The following NEBL variants were observed in gnomAD, a reference collection of about 807,000 sequenced individuals.
The protein encoded by NEBL is nebulette.
NEBL carries 122 observed loss-of-function variants against 140.2 expected under a neutral mutation model. The observed-to-expected ratio is 0.87, with a 90% CI of 0.75 to 1.01. The LOEUF (loss-of-function observed/expected upper bound fraction) is 1.01, where lower values mean the gene tolerates loss of function less well. Among genes scored for constraint, NEBL ranks in the 50% least tolerant of loss-of-function variants. NEBL has a pLI of 0.00. For missense variants in NEBL, 1,365 were observed against 1,231.3 expected (o/e 1.11, Z -1.62); for synonymous variants, 436 against 398.9 (o/e 1.09, Z -1.11).
At chr10:20,909,437 C>T (rs1362302188) in intron 4 of NEBL, among the ~76,000 whole-genome samples, 3 of 151,960 alleles carry the variant, frequency 2.0e-5, no homozygotes, top group African/African-American at 7.3e-5. Flanking sequence ...AATTTAGATG[C>T]CTCTAAGATA....
intron 3 of NEBL, among the ~76,000 whole-genome samples, chr10:21,223,482 G>T (rs1239046614): frequency 2.0e-5 from 3 of 152,094 alleles, no homozygotes; most frequent in African/African-American, 7.2e-5. Context: ...CCAAATCTTG[G>T]CTATTACAAA....
Position 20,946,326 on chromosome 10 carries a change from G to T in NEBL, c.357+15346C>A, listed in dbSNP as rs1835157246. 2.6e-5 allele frequency among the ~76,000 whole-genome samples: 4 copies of T among 152,180 alleles called. No homozygotes were observed. In the South Asian group the frequency reaches 8.3e-4, roughly 31 times the overall value. On this transcript the variant is annotated intron_variant, in intron 4 of 6. Transcript: ENST00000417816. ...AAAATCTATGTTTTCAAGAAGCTGT[G>T]GCCCTCGTGCTACTGGTAGTTAGCA...
intron 1 of NEBL, among the ~76,000 whole-genome samples, chr10:21,257,550 CT>C (rs1842674162): frequency 6.6e-6 from 1 of 152,206 alleles, no homozygotes; most frequent in Admixed American, 6.5e-5. Flanking sequence ...AGTTTAAGTC[CT>C]GGTCTGTTTT....
At chr10:21,210,808 G>T (rs1438020252) in intron 3 of NEBL, among the ~76,000 whole-genome samples, 1 of 152,152 alleles carries the variant, frequency 6.6e-6, no homozygotes, top group Admixed American at 6.6e-5. Flanking sequence ...CTCAACATGT[G>T]ACTGTCATTA....
At chr10:20,984,309 A>G (rs1330815153) in intron 3 of NEBL, among the ~76,000 whole-genome samples, 1 of 152,230 alleles carries the variant, frequency 6.6e-6, no homozygotes, top group Admixed American at 6.5e-5. Context: ...TCCAAGCTAT[A>G]GGAATAATGT....
intron 3 of NEBL, among the ~76,000 whole-genome samples, chr10:21,205,584 C>T (rs1351851916): frequency 6.6e-6 from 1 of 152,014 alleles, no homozygotes; most frequent in Non-Finnish European, 1.5e-5. Context: ...AAGAAGAAAA[C>T]TTATTACATC....
chr10:21,090,082 G>A (rs1465370568), intron 2 of NEBL, among the ~76,000 whole-genome samples: 2 of 152,098 alleles, frequency 1.3e-5, no homozygotes, highest in African/African-American at 4.8e-5. Flanking sequence ...ATGGCCAAAG[G>A]CATCTTCCAG....
chr10:21,020,143 T>C, exon 3 of NEBL: 1 of 1,614,110 alleles, frequency 6.2e-7, no homozygotes. Context: ...CTTTGCTGCT[T>C]CAGGCGAAGA....
At chr10:20,788,805 AG>A (rs1413608155) in intron 26 of NEBL, among the ~76,000 whole-genome samples, 2 of 152,242 alleles carry the variant, frequency 1.3e-5, no homozygotes, top group African/African-American at 4.8e-5. Context: ...CCACTCACGA[AG>A]AAAAAAGAAT....
At chr10:21,083,816 G>C (rs1836495180) in intron 2 of NEBL, among the ~76,000 whole-genome samples, 1 of 152,214 alleles carries the variant, frequency 6.6e-6, no homozygotes, top group Non-Finnish European at 1.5e-5. Context: ...CTGCACTGCA[G>C]CCTAGGTGAC....
intron 3 of NEBL, among the ~76,000 whole-genome samples, chr10:21,004,970 G>A (rs1411720632): frequency 6.6e-6 from 1 of 152,134 alleles, no homozygotes; most frequent in African/African-American, 2.4e-5. Flanking sequence ...GGAGAAACTG[G>A]TGAATTAAGG....
At position 20,868,753 on chromosome 10, in the gene NEBL, T is replaced by C. The variant is rs763699369; in HGVS notation, c.595A>G (p.Lys199Glu). The change falls in exon 7 of 28, where the codon AAA (lysine) becomes GAA (glutamate). Residue 199 changes from lysine (K) to glutamate (E), a missense_variant. Transcript: ENST00000377122. Reference sequence around the variant, plus strand: ...TCTTTATTCATTATTCCTTGTCCTTTCTTGTATTCTGCCTAAAATGAATAA... The same window carrying C: ...TCTTTATTCATTATTCCTTGTCCTTCCTTGTATTCTGCCTAAAATGAATAA... ...SKIISNAEYK[K>E]GQGIMNKEPA... 1 of 1,604,036 alleles carries C rather than the reference T, an allele frequency of 6.2e-7. No homozygotes were observed. Among genetic ancestry groups the C allele is most frequent in the Non-Finnish European group, 8.5e-7 (1 of 1,171,000 alleles).
chr10:20,950,441 C>A (rs899922855), intron 4 of NEBL, among the ~76,000 whole-genome samples: 2 of 152,196 alleles, frequency 1.3e-5, no homozygotes, highest in Admixed American at 6.5e-5. Context: ...GTGTTCCTAA[C>A]CTTATATTCA....
intron 19 of NEBL, among the ~76,000 whole-genome samples, chr10:20,819,821 C>T (rs927365126): frequency 6.6e-6 from 1 of 152,082 alleles, no homozygotes; most frequent in South Asian, 2.1e-4. Flanking sequence ...ACCTCCCAAG[C>T]TCCAGCGATC....
At chr10:21,085,037 G>A (rs192540546) in intron 2 of NEBL, among the ~76,000 whole-genome samples, 202 of 152,262 alleles carry the variant, frequency 1.3e-3, no homozygotes, top group African/African-American at 4.6e-3. Flanking sequence ...GTGTCACTGG[G>A]CTTGTCACAT....
chr10:20,953,450 G>A (rs1315051918), intron 4 of NEBL, among the ~76,000 whole-genome samples: 2 of 151,232 alleles, frequency 1.3e-5, no homozygotes, highest in African/African-American at 2.4e-5. Context: ...GTCGCTTTAC[G>A]CTGCCCAACC....
At chr10:20,885,476 G>C (rs533113615) in intron 4 of NEBL, among the ~76,000 whole-genome samples, 2 of 152,132 alleles carry the variant, frequency 1.3e-5, no homozygotes, top group African/African-American at 4.8e-5. Flanking sequence ...GTCTATTTCA[G>C]TATAGGATAA....
chr10:21,218,949 G>A (rs115548632), intron 3 of NEBL, among the ~76,000 whole-genome samples: 2,423 of 152,286 alleles, frequency 0.016, 23 homozygotes, highest in Middle Eastern at 0.027. Flanking sequence ...CCTGGTACAG[G>A]ACAGGGGAAA....
intron 2 of NEBL, among the ~76,000 whole-genome samples, chr10:21,156,804 G>C (rs916454843): frequency 3.3e-5 from 5 of 151,956 alleles, no homozygotes; most frequent in African/African-American, 7.3e-5. Context: ...CTAAATCGTA[G>C]GAATATTAAG....
Sources: gnomAD v4.1 joint callset for allele counts (sites outside exome capture counted in the v4.1 genomes callset) on GRCh38, gnomAD v4.1.1 for gene constraint, MANE v1.5 for transcripts, NCBI Gene and HGNC (gene_info 2026-07-23, HGNC 2026-07-21) for gene names.